The following RBFOX1 variants were observed in gnomAD, a reference collection of about 807,000 sequenced individuals.
RBFOX1 encodes the protein RNA binding fox-1 homolog 1.
RBFOX1 carries 8 observed loss-of-function variants against 57.7 expected under a neutral mutation model. The ratio of observed to expected loss-of-function variants is 0.14; its 90% CI spans 0.08 to 0.25. RBFOX1 has a LOEUF of 0.25. Ranked by LOEUF, RBFOX1 falls within the 10% of genes least tolerant of loss-of-function variation. The pLI is 1.00. For missense variants in RBFOX1, 611 were observed against 548.5 expected, an observed-to-expected ratio of 1.11 and a Z score of -1.14; for synonymous variants, 326 against 222.4, an observed-to-expected ratio of 1.47 and a Z score of -4.15.
chr16:7,067,319 G>C (rs1446352626), intron 4 of RBFOX1, among the ~76,000 whole-genome samples: 2 of 151,940 alleles, frequency 1.3e-5, no homozygotes, highest in Non-Finnish European at 2.9e-5. Flanking sequence ...AAAAAAAATA[G>C]TGGTTTATAG....
At position 5,609,242 on chromosome 16, in the gene RBFOX1, A is replaced by C. The variant is rs551306801; in HGVS notation, c.318+10281A>C. Among the ~76,000 whole-genome samples, 4 of 152,286 alleles carry C rather than the reference A, an allele frequency of 2.6e-5. No homozygotes were observed. In the South Asian group the frequency reaches 8.3e-4, roughly 32 times the overall value. Reference sequence around the variant, plus strand: ...CTTGCTTTTAAGTTATGTATTCATTACCCGAATTGGTAGATGCTATCTCAT... The same window carrying C: ...CTTGCTTTTAAGTTATGTATTCATTCCCCGAATTGGTAGATGCTATCTCAT... On this transcript the variant is annotated intron_variant, in intron 3 of 19. Transcript: ENST00000641259.
At chr16:5,548,960 G>A (rs1222872712) in intron 2 of RBFOX1, among the ~76,000 whole-genome samples, 1 of 152,326 alleles carries the variant, frequency 6.6e-6, no homozygotes, top group East Asian at 1.9e-4. Context: ...TCTGAAAATT[G>A]TCTGTTATTA....
chr16:5,379,562 G>T (rs1034786149), intron 1 of RBFOX1, among the ~76,000 whole-genome samples: 2 of 152,194 alleles, frequency 1.3e-5, no homozygotes, highest in Non-Finnish European at 2.9e-5. Flanking sequence ...GGTGTCAGGG[G>T]ACTAGAGCCC....
chr16:5,250,608 T>A (rs573079822), intron 1 of RBFOX1, among the ~76,000 whole-genome samples: 22 of 152,296 alleles, frequency 1.4e-4, no homozygotes, highest in African/African-American at 4.6e-4. Flanking sequence ...GTAACCTTTT[T>A]AAAAAAATAA....
chr16:7,058,689 G>T (rs941361026), intron 4 of RBFOX1, among the ~76,000 whole-genome samples: 3 of 151,518 alleles, frequency 2.0e-5, no homozygotes, highest in Non-Finnish European at 2.9e-5. Context: ...GAATAAAAAA[G>T]GTTCTTAATT....
chr16:6,195,985 G>A (rs1008775608), intron 1 of RBFOX1, among the ~76,000 whole-genome samples: 17 of 152,276 alleles, frequency 1.1e-4, no homozygotes, highest in African/African-American at 3.6e-4. Flanking sequence ...TGGATTTGAA[G>A]TAAGAATCAT....
chr16:7,451,026 A>T (rs1322528448), intron 4 of RBFOX1, among the ~76,000 whole-genome samples: 1 of 152,044 alleles, frequency 6.6e-6, no homozygotes, highest in African/African-American at 2.4e-5. Context: ...TTCGCTTCTG[A>T]GTGGTAAACT....
chr16:7,019,135 G>A (rs1332043744), intron 3 of RBFOX1, among the ~76,000 whole-genome samples: 1 of 151,936 alleles, frequency 6.6e-6, no homozygotes, highest in Admixed American at 6.6e-5. Flanking sequence ...TACTGATTGA[G>A]TTGAAAATAA....
intron 14 of RBFOX1, among the ~76,000 whole-genome samples, chr16:7,678,437 G>A (rs2073940566): frequency 6.6e-6 from 1 of 152,126 alleles, no homozygotes; most frequent in Non-Finnish European, 1.5e-5. Flanking sequence ...AGTATCAATT[G>A]TAATGTGGTT....
chr16:6,521,335 C>G (rs754064990), intron 2 of RBFOX1, among the ~76,000 whole-genome samples: 3 of 152,064 alleles, frequency 2.0e-5, no homozygotes, highest in Admixed American at 2.0e-4. Context: ...GTCTAACATT[C>G]CACTACTAAT....
intron 3 of RBFOX1, among the ~76,000 whole-genome samples, chr16:6,715,005 T>G (rs943784218): frequency 1.3e-5 from 2 of 151,830 alleles, no homozygotes; most frequent in Non-Finnish European, 2.9e-5. Flanking sequence ...GTCACAGGAG[T>G]TGGAGGTCTA....
At chr16:6,437,228 C>T (rs552788059) in intron 2 of RBFOX1, among the ~76,000 whole-genome samples, 13 of 152,298 alleles carry the variant, frequency 8.5e-5, no homozygotes, top group Non-Finnish European at 1.5e-4. Flanking sequence ...TCCACAGCAT[C>T]GTTGCTCACA....
chr16:5,946,563 A>G lies in RBFOX1; in HGVS notation c.351+79228A>G, dbSNP rs1173399377. Among the ~76,000 whole-genome samples the G allele has an allele frequency of 2.6e-5, 4 of 151,498 alleles. No individual in the cohort carries two copies. Among genetic ancestry groups the G allele is most frequent in the African/African-American group, 9.7e-5 (4 of 41,326 alleles). On this transcript the variant is annotated intron_variant, in intron 4 of 19. Coordinates refer to the RBFOX1 transcript ENST00000641259. The surrounding 1 kb of genome is among the most constrained non-coding windows in gnomAD (Gnocchi z 4.6). ...TCTCACTCTATGCATATTTTTTTCC[A>G]ACTGGGTGTTCCTGAGTTATATCCT...
At chr16:6,272,733 A>G (rs2075338679) in intron 1 of RBFOX1, among the ~76,000 whole-genome samples, 1 of 152,334 alleles carries the variant, frequency 6.6e-6, no homozygotes, top group African/African-American at 2.4e-5. Context: ...AGATGGATAG[A>G]CACATAGATC....
At chr16:6,433,045 G>A (rs897365694) in intron 2 of RBFOX1, among the ~76,000 whole-genome samples, 22 of 152,330 alleles carry the variant, frequency 1.4e-4, no homozygotes, top group African/African-American at 5.1e-4. Flanking sequence ...CTTGTGAGAT[G>A]CCATCCTTCG....
At chr16:7,132,090 G>A (rs79726186) in intron 4 of RBFOX1, among the ~76,000 whole-genome samples, 2 of 149,586 alleles carry the variant, frequency 1.3e-5, no homozygotes, top group Non-Finnish European at 3.0e-5. Context: ...CGCCCGGGCT[G>A]AAGCAATTCT....
intron 1 of RBFOX1, among the ~76,000 whole-genome samples, chr16:6,105,583 G>A (rs12933629): frequency 0.049 from 7,407 of 151,716 alleles, 240 homozygotes; most frequent in South Asian, 0.093. Flanking sequence ...AACTTCTATG[G>A]TTATTTTCAT....
chr16:7,332,173 G>T (rs747698325), intron 4 of RBFOX1, among the ~76,000 whole-genome samples: 6 of 152,178 alleles, frequency 3.9e-5, no homozygotes, highest in African/African-American at 9.7e-5. Flanking sequence ...TTGTAGCTTC[G>T]CACTGCCTTG....
At chr16:6,226,965 A>AAT (rs2097422849) in intron 1 of RBFOX1, among the ~76,000 whole-genome samples, 1 of 151,286 alleles carries the variant, frequency 6.6e-6, no homozygotes, top group South Asian at 2.1e-4. Context: ...AAAAAAAAAA[A>AAT]ATACAAAAAT....
Sources: allele counts gnomAD v4.1 joint callset (sites outside exome capture counted in the v4.1 genomes callset), GRCh38; gene constraint gnomAD v4.1.1; non-coding constraint Gnocchi (gnomAD v3.1); transcripts MANE v1.5; gene names NCBI Gene and HGNC (gene_info 2026-07-23, HGNC 2026-07-21).